FBH1: variants seen among roughly 807,000 people sequenced by gnomAD.
FBH1 encodes DNA 3'-5' helicase 1.
In FBH1, 43 loss-of-function variants were observed where a neutral mutation model predicts 115.5. That is an observed-to-expected ratio of 0.37 (90% CI 0.29 to 0.48). The LOEUF is 0.48. FBH1 is among the 20% of genes least tolerant of loss of function. The pLI is 0.99. For missense variants in FBH1, 1,001 were observed against 1,337.3 expected, an observed-to-expected ratio of 0.75 and a Z score of 3.92; for synonymous variants, 524 against 507.8, an observed-to-expected ratio of 1.03 and a Z score of -0.43.
intron 19 of FBH1, among the ~76,000 whole-genome samples, chr10:5,929,109 A>T (rs1832823712): frequency 6.6e-6 from 1 of 152,222 alleles, no homozygotes; most frequent in Non-Finnish European, 1.5e-5. Context: ...TTGAGGGCCT[A>T]ACACTTGCCA....
At chr10:5,908,333 A>C (rs1013156639) in intron 3 of FBH1, among the ~76,000 whole-genome samples, 1 of 152,246 alleles carries the variant, frequency 6.6e-6, no homozygotes, top group Non-Finnish European at 1.5e-5. Flanking sequence ...TAGTATAGCC[A>C]CAGCTCTCAT....
rs1476432483 is a variant in FBH1 at position 5,925,942 on chromosome 10, TG to T, written c.2722+451del. ...TAAGCATTCTTTATCATTTGTCTGGTGTTTTTTGGTACAGACAGGGGTCTCA... is the reference window on the plus strand; with the variant it reads ...TAAGCATTCTTTATCATTTGTCTGGTTTTTTTGGTACAGACAGGGGTCTCA... On this transcript the variant is annotated intron_variant, in intron 18 of 20. Transcript: ENST00000362091. This position sits in a 1 kb window ranked among gnomAD's most constrained non-coding sequence, Gnocchi z 4.6. Among the ~76,000 whole-genome samples the T allele has an allele frequency of 6.6e-6, 1 of 151,896 alleles. No homozygotes were observed. The highest frequency in any genetic ancestry group is 1.5e-5 in the Non-Finnish European group (1 of 67,956).
chr10:5,927,807 T>C (rs9329328), intron 19 of FBH1, among the ~76,000 whole-genome samples: 130,741 of 152,104 alleles, frequency 0.86, 56,271 homozygotes, highest in Admixed American at 0.89. Context: ...CACAGTGGCT[T>C]ATGCCTGTAA....
chr10:5,894,093 C>T, intron 1 of FBH1: 1 of 985,392 alleles, frequency 1.0e-6, no homozygotes, highest in Non-Finnish European at 1.2e-6. Flanking sequence ...ATTGAGCTTA[C>T]TGCCTGGGAA....
chr10:5,900,397 A>G lies in FBH1; in HGVS notation c.2-2623A>G, dbSNP rs1021480387. 4.6e-5 allele frequency among the ~76,000 whole-genome samples: 7 copies of G among 152,240 alleles called. No individual in the cohort carries two copies. The highest frequency in any genetic ancestry group is 7.2e-5 in the African/African-American group (3 of 41,480). On this transcript the variant is annotated intron_variant, in intron 1 of 20. Transcript: ENST00000362091. This position sits in a 1 kb window ranked among gnomAD's most constrained non-coding sequence, Gnocchi z 4.2. ...GAGACCTGAGGTGCCCTGAAGCCAT[A>G]GAGCAACCAAGTGGCCAGCTGAGGG...
In FBH1 at chr10:5,923,083, A is replaced by G. The variant is rs866019170; in HGVS notation, c.2323-538A>G. Among the ~76,000 whole-genome samples, 4 of 152,056 alleles carry G rather than the reference A, an allele frequency of 2.6e-5. No individual in the cohort carries two copies. Among genetic ancestry groups the G allele is most frequent in the Admixed American group, 1.3e-4 (2 of 15,260 alleles). ...TTTTTGGTAGAGACGGGGTTTCACC[A>G]TGTTGGCCAGGCTGGTCTTGAACTC... On this transcript the variant is annotated intron_variant, in intron 15 of 20. Coordinates refer to ENST00000362091, the MANE Select transcript of FBH1 (RefSeq NM_178150.3). The surrounding 1 kb of genome is among the most constrained non-coding windows in gnomAD (Gnocchi z 5.7).
rs1388524341 is a variant in FBH1 at position 5,906,797 on chromosome 10, A to G, written c.753+165A>G. 2.0e-5 allele frequency among the ~76,000 whole-genome samples: 3 copies of G among 151,972 alleles called. No individual in the cohort carries two copies. Among genetic ancestry groups the G allele is most frequent in the Non-Finnish European group, 2.9e-5 (2 of 67,994 alleles). Reference sequence around the variant, plus strand: ...AGGCCTTCCGTGTCTGCCCCACCCTATGACTCTAGCCTCTTTGTTCACTTC... The same window carrying G: ...AGGCCTTCCGTGTCTGCCCCACCCTGTGACTCTAGCCTCTTTGTTCACTTC... On this transcript the variant is annotated intron_variant, in intron 3 of 20. Transcript: ENST00000362091. The surrounding 1 kb of genome is among the most constrained non-coding windows in gnomAD (Gnocchi z 7.3).
chr10:5,913,861 C>T lies in FBH1; in HGVS notation c.1304+22C>T, dbSNP rs894697193. On this transcript the variant is annotated intron_variant, in intron 7 of 20. Transcript: ENST00000362091. This position sits in a 1 kb window ranked among gnomAD's most constrained non-coding sequence, Gnocchi z 4.4. The stretch of plus-strand genomic sequence containing the variant: ...CAGGGTATGTGTATATGTGCGTCAG[C>T]GTGTGTTTTGTCTTCTGTCGACTCT... 17 of 1,555,596 alleles carry T rather than the reference C, an allele frequency of 1.1e-5. No homozygotes were observed. Among genetic ancestry groups the T allele is most frequent in the Non-Finnish European group, 1.5e-5 (17 of 1,142,394 alleles).
At chr10:5,904,575 G>A (rs1843583393) in intron 2 of FBH1, among the ~76,000 whole-genome samples, 1 of 152,164 alleles carries the variant, frequency 6.6e-6, no homozygotes, top group Non-Finnish European at 1.5e-5. Flanking sequence ...CCAGGATTTG[G>A]CTGGGAGCAG....
At position 5,909,188 on chromosome 10, in the gene FBH1, G is replaced by A. The variant is rs776229671; in HGVS notation, c.914G>A (p.Ser305Asn). Residue 305 changes from serine to asparagine, a missense_variant, in exon 5 of 21, where the codon AGT becomes AAT. This residue lies in a region of FBH1 where 420 missense variants were observed against 430.4 expected (regional missense o/e 0.98). Coordinates refer to ENST00000362091, the MANE Select transcript of FBH1 (RefSeq NM_178150.3). The surrounding 1 kb of genome is among the most constrained non-coding windows in gnomAD (Gnocchi z 4.4). ...RYTATTKCSP[S>N]VDPERVLWSL... Reference sequence around the variant, plus strand: ...ACAGCCACCACTAAGTGCTCTCCGAGTGTGGATCCCGAGAGGGTGCTGTGG... The same window carrying A: ...ACAGCCACCACTAAGTGCTCTCCGAATGTGGATCCCGAGAGGGTGCTGTGG... 6.3e-5 allele frequency: 102 copies of A among 1,613,746 alleles called. 1 individual carries two copies. The Middle Eastern group carries it at 1.6e-3, about 26-fold the overall frequency.
At position 5,936,233 on chromosome 10, in the gene FBH1, A is replaced by G. The variant is rs1326084320; in HGVS notation, c.2830-223A>G. 8.6e-6 allele frequency: 3 copies of G among 347,888 alleles called. No homozygotes were observed. Among genetic ancestry groups the G allele is most frequent in the African/African-American group, 4.1e-5 (2 of 49,226 alleles). 21.6% of individuals were successfully genotyped at this position (347,888 alleles called of 1,614,324 possible). Reference sequence around the variant, plus strand: ...AGTTTTGCATGTTTATCTGTTAAATATATATATATTTAAAAAGCAATTGGA... The same window carrying G: ...AGTTTTGCATGTTTATCTGTTAAATGTATATATATTTAAAAAGCAATTGGA... On this transcript the variant is annotated intron_variant, in intron 19 of 20. Transcript: ENST00000362091. This position sits in a 1 kb window ranked among gnomAD's most constrained non-coding sequence, Gnocchi z 5.6.
rs79705396 is a variant in FBH1, at chr10:5,932,776, G to T, written c.2830-3680G>T. On this transcript the variant is annotated intron_variant, in intron 19 of 20. Transcript: ENST00000362091. This position sits in a 1 kb window ranked among gnomAD's most constrained non-coding sequence, Gnocchi z 5.9. ...TCTGTCACCCAGGCTGGAATATGGC[G>T]GCACAATCTTGGCCCACTGCAACCT... Among the ~76,000 whole-genome samples, 1 of 152,034 alleles carries T rather than the reference G, an allele frequency of 6.6e-6. No homozygotes were observed. Among genetic ancestry groups the T allele is most frequent in the Non-Finnish European group, 1.5e-5 (1 of 68,010 alleles).
intron 1 of FBH1, chr10:5,891,200 T>C: frequency 1.0e-6 from 1 of 985,494 alleles, no homozygotes; most frequent in Non-Finnish European, 1.2e-6. Context: ...TGAGCGGAGA[T>C]AAATGAAAAG....
At chr10:5,929,543 G>A (rs1270429228) in intron 19 of FBH1, 2 of 152,178 alleles carry the variant, frequency 1.3e-5, no homozygotes, top group Non-Finnish European at 2.9e-5. Flanking sequence ...AGCCACTAAA[G>A]CACATGGATC....
At chr10:5,891,052 G>C (rs1351875293) in intron 1 of FBH1, 1 of 571,164 alleles carries the variant, frequency 1.8e-6, no homozygotes, top group Non-Finnish European at 2.2e-6. Flanking sequence ...TGAGGCATCA[G>C]TAGGGTTTTA....
rs1170507497 is a variant in FBH1 at position 5,906,020 on chromosome 10, T to C, written c.158-17T>C. 6.4e-7 allele frequency: 1 copy of C among 1,572,946 alleles called. No individual in the cohort carries two copies. Among genetic ancestry groups the C allele is most frequent in the Non-Finnish European group, 8.7e-7 (1 of 1,145,630 alleles). ...ATCGTTCATTTCTTGTCCATCCTGT[T>C]TGGGTTCTCTCTACAGGTCAGGGAA... On this transcript the variant is annotated splice_polypyrimidine_tract_variant and intron_variant, in intron 2 of 20. Coordinates refer to ENST00000362091, the MANE Select transcript of FBH1 (RefSeq NM_178150.3). The surrounding 1 kb of genome is among the most constrained non-coding windows in gnomAD (Gnocchi z 7.3).
Position 5,921,517 on chromosome 10 carries a change from A to T in FBH1, c.2270A>T (p.Glu757Val). Reference protein sequence around the residue: ...LSRTNANVFDEAVRVTEGEFP... With the variant: ...LSRTNANVFDVAVRVTEGEFP... ...CGGACCAACGCCAACGTGTTTGATG[A>T]GGCCGTACGGGTGACGGAAGGGGAA... The change falls in exon 15 of 21, where the codon GAG becomes GTG. Residue 757 changes from glutamate (E) to valine (V), a missense_variant. Transcript: ENST00000362091. The surrounding 1 kb of genome is among the most constrained non-coding windows in gnomAD (Gnocchi z 6.4). 6.3e-7 allele frequency: 1 copy of T among 1,598,314 alleles called. No homozygotes were observed. The highest frequency in any genetic ancestry group is 8.5e-7 in the Non-Finnish European group (1 of 1,176,354).
rs566461875 is a variant in FBH1 at position 5,924,154 on chromosome 10, G to A, written c.2399-157G>A. ...ACTGCACTGCACTGACTTGCCCAGG[G>A]ACACACAGCGAGTTAGTGATGCAGT... On this transcript the variant is annotated intron_variant, in intron 16 of 20. Transcript: ENST00000362091. This position sits in a 1 kb window ranked among gnomAD's most constrained non-coding sequence, Gnocchi z 6.2. 1.5e-6 allele frequency: 1 copy of A among 669,830 alleles called. No individual in the cohort carries two copies. Among genetic ancestry groups the A allele is most frequent in the African/African-American group, 1.8e-5 (1 of 55,592 alleles). 41.5% of individuals were successfully genotyped at this position (669,830 alleles called of 1,614,324 possible). A position where few individuals can be genotyped will look rare whatever the true frequency, so the allele number is the denominator to read the frequency against.
Position 5,917,516 on chromosome 10 carries a change from C to G in FBH1, c.1876+9C>G, listed in dbSNP as rs771981215. ...CCAGATGACTCATGACGGTAGGCGGCTGCCGAATGGCGGGGACTGGCCAAT... is the reference window on the plus strand; with the variant it reads ...CCAGATGACTCATGACGGTAGGCGGGTGCCGAATGGCGGGGACTGGCCAAT... On this transcript the variant is annotated intron_variant, in intron 11 of 20. Transcript: ENST00000362091. The surrounding 1 kb of genome is among the most constrained non-coding windows in gnomAD (Gnocchi z 5.6). 1 of 1,614,118 alleles carries G rather than the reference C, an allele frequency of 6.2e-7. No homozygotes were observed. Among genetic ancestry groups the G allele is most frequent in the Non-Finnish European group, 8.5e-7 (1 of 1,179,952 alleles).
Sources: allele counts gnomAD v4.1 joint callset (sites outside exome capture counted in the v4.1 genomes callset), GRCh38; gene constraint gnomAD v4.1.1; regional missense constraint gnomAD v4.1.1; non-coding constraint Gnocchi (gnomAD v3.1); transcripts MANE v1.5; gene names NCBI Gene and HGNC (gene_info 2026-07-23, HGNC 2026-07-21).